ZNF536: variants seen among roughly 807,000 people sequenced by gnomAD.
ZNF536 encodes the protein zinc finger protein 536.
ZNF536 carries 13 observed loss-of-function variants against 84.5 expected under a neutral mutation model. The ratio of observed to expected loss-of-function variants is 0.15; its 90% CI spans 0.10 to 0.24. The LOEUF is 0.24. ZNF536 is among the 10% of genes least tolerant of loss of function. The probability of loss-of-function intolerance (pLI) is 1.00; values close to 1 mark genes in which losing one functional copy is unlikely to be tolerated. For synonymous variants in ZNF536, 811 were observed against 742.5 expected (o/e 1.09, Z -1.50); for missense variants, 1,536 against 1,747.5 (o/e 0.88, Z 2.16).
rs76608748 is a variant in ZNF536, at chr19:30,491,454, A to C, written c.2171-43393A>C. 2.2e-3 allele frequency among the ~76,000 whole-genome samples: 341 copies of C among 152,274 alleles called. 1 individual carries two copies. Among genetic ancestry groups the C allele is most frequent in the Non-Finnish European group, 4.1e-3 (277 of 68,028 alleles). On this transcript the variant is annotated intron_variant, in intron 2 of 4. Transcript: ENST00000355537. Reference sequence around the variant, plus strand: ...CCCTCTCCAGTTATCAGGTCGATACATGTACCTGGTAATACAATGCCAATC... The same window carrying C: ...CCCTCTCCAGTTATCAGGTCGATACCTGTACCTGGTAATACAATGCCAATC...
At chr19:30,501,363 C>T (rs2054943238) in intron 2 of ZNF536, among the ~76,000 whole-genome samples, 1 of 152,168 alleles carries the variant, frequency 6.6e-6, no homozygotes, top group Middle Eastern at 3.2e-3. Context: ...TGGATTCAAC[C>T]CAGCATTGTC....
In ZNF536 at chr19:30,470,141, C is replaced by T. The variant is rs542310069; in HGVS notation, c.2170+24409C>T. 2.0e-5 allele frequency among the ~76,000 whole-genome samples: 3 copies of T among 152,318 alleles called. No individual in the cohort carries two copies. The East Asian group carries it at 5.8e-4, about 29-fold the overall frequency. ...GTGCGATTCCAGGGGGAGCAGGAGGCTTTCTGTCTGCCATCTTCCCTATGA... is the reference window on the plus strand; with the variant it reads ...GTGCGATTCCAGGGGGAGCAGGAGGTTTTCTGTCTGCCATCTTCCCTATGA... On this transcript the variant is annotated intron_variant, in intron 2 of 4. Transcript: ENST00000355537.
intron 1 of ZNF536, among the ~76,000 whole-genome samples, chr19:30,423,696 C>A (rs2051080698): frequency 1.3e-5 from 2 of 152,252 alleles, no homozygotes; most frequent in South Asian, 4.1e-4. Context: ...GTGTCCCCAG[C>A]CGCTGAGGGC....
intron 1 of ZNF536, among the ~76,000 whole-genome samples, chr19:30,240,627 T>C (rs918243944): frequency 6.6e-6 from 1 of 152,168 alleles, no homozygotes; most frequent in Non-Finnish European, 1.5e-5. Context: ...CCTAGCTTTC[T>C]AGGGGCAGCC....
chr19:30,562,537 G>T, downstream of ZNF536, among the ~76,000 whole-genome samples: 1 of 152,164 alleles, frequency 6.6e-6, no homozygotes, highest in East Asian at 1.9e-4. Flanking sequence ...CTGATTATCT[G>T]ACTTTTTTCT....
chr19:30,713,172 C>G (rs1053059051), exon 2 of ZNF536: 6 of 152,276 alleles, frequency 3.9e-5, no homozygotes, highest in South Asian at 4.2e-4. Flanking sequence ...CCTTCCTCCC[C>G]CTCTGACACA....
chr19:30,470,041 C>T (rs1471772918), intron 2 of ZNF536, among the ~76,000 whole-genome samples: 1 of 152,206 alleles, frequency 6.6e-6, no homozygotes. Context: ...AATTCCAGAG[C>T]CTGTGGCTGC....
At chr19:30,456,213 G>A (rs2052832356) in intron 2 of ZNF536, among the ~76,000 whole-genome samples, 1 of 151,786 alleles carries the variant, frequency 6.6e-6, no homozygotes, top group Admixed American at 6.6e-5. Flanking sequence ...GCACATGGAG[G>A]AAATGCTAGA....
intron 1 of ZNF536, among the ~76,000 whole-genome samples, chr19:30,667,182 A>G (rs1268490137): frequency 6.6e-6 from 1 of 152,208 alleles, no homozygotes; most frequent in Non-Finnish European, 1.5e-5. Flanking sequence ...TGTGTGCTGT[A>G]GACCTCCCGA....
chr19:30,609,027 A>G (rs1376149005), intron 1 of ZNF536, among the ~76,000 whole-genome samples: 1 of 152,220 alleles, frequency 6.6e-6, no homozygotes, highest in Non-Finnish European at 1.5e-5. Flanking sequence ...TGTTCACTAC[A>G]ACATGGTAAC....
intron 1 of ZNF536, among the ~76,000 whole-genome samples, chr19:30,579,718 C>A (rs1301425223): frequency 6.6e-6 from 1 of 152,134 alleles, no homozygotes; most frequent in East Asian, 1.9e-4. Context: ...TCCCCACATC[C>A]CCAAGGGGCA....
At chr19:30,613,338 G>C (rs1307625023) in intron 1 of ZNF536, among the ~76,000 whole-genome samples, 1 of 152,134 alleles carries the variant, frequency 6.6e-6, no homozygotes, top group South Asian at 2.1e-4. Context: ...TCCGTTGGGC[G>C]ATCTTGCCTG....
At chr19:30,565,041 A>G (rs574285350) in intron 1 of ZNF536, among the ~76,000 whole-genome samples, 2 of 152,044 alleles carry the variant, frequency 1.3e-5, no homozygotes, top group Non-Finnish European at 2.9e-5. Flanking sequence ...TCTGATTAAG[A>G]TGCACTTCTG....
chr19:30,513,429 C>A (rs1311910262), intron 2 of ZNF536, among the ~76,000 whole-genome samples: 1 of 152,210 alleles, frequency 6.6e-6, no homozygotes, highest in African/African-American at 2.4e-5. Flanking sequence ...TTGGGATGGA[C>A]ATATTGGATT....
At chr19:30,712,856 G>A (rs1364940545) in exon 2 of ZNF536, 1 of 151,172 alleles carries the variant, frequency 6.6e-6, no homozygotes, top group Admixed American at 6.6e-5. Context: ...CTGCACTACT[G>A]TGTTTGGTGA....
intron 1 of ZNF536, among the ~76,000 whole-genome samples, chr19:30,575,974 G>A (rs73924781): frequency 0.025 from 3,881 of 152,302 alleles, 158 homozygotes; most frequent in African/African-American, 0.089. Flanking sequence ...TTCATGGGGT[G>A]TGCGCCCCAT....
intron 1 of ZNF536, among the ~76,000 whole-genome samples, chr19:30,408,230 G>A (rs2050344132): frequency 6.6e-6 from 1 of 152,186 alleles, no homozygotes; most frequent in African/African-American, 2.4e-5. Flanking sequence ...GGCCATTATA[G>A]ACCATGGGGA....
At chr19:30,516,037 A>G (rs1240831274) in intron 2 of ZNF536, among the ~76,000 whole-genome samples, 2 of 151,598 alleles carry the variant, frequency 1.3e-5, no homozygotes, top group Admixed American at 6.6e-5. Flanking sequence ...AAAAAAAAAA[A>G]AAAAAGAAAA....
intron 1 of ZNF536, among the ~76,000 whole-genome samples, chr19:30,666,362 G>A (rs993524606): frequency 7.3e-4 from 111 of 152,188 alleles, no homozygotes; most frequent in African/African-American, 2.5e-3. Flanking sequence ...GTTCCCTCCT[G>A]TCCGCTCTTC....
Sources: gnomAD v4.1 joint callset for allele counts (sites outside exome capture counted in the v4.1 genomes callset) on GRCh38, gnomAD v4.1.1 for gene constraint, MANE v1.5 for transcripts, NCBI Gene and HGNC (gene_info 2026-07-23, HGNC 2026-07-21) for gene names.